The following RNF115 variants were observed in gnomAD, a reference collection of about 807,000 sequenced individuals.
RNF115 encodes ring finger protein 115.
In RNF115, 31 loss-of-function variants were observed where a neutral mutation model predicts 39.2. The ratio of observed to expected loss-of-function variants is 0.79; its 90% CI spans 0.59 to 1.07. The LOEUF is 1.07. Among genes scored for constraint, RNF115 ranks in the 50% least tolerant of loss-of-function variants. The pLI is 0.00. For synonymous variants in RNF115, 124 were observed against 131.0 expected (o/e 0.95, Z 0.37); for missense variants, 384 against 381.7 (o/e 1.01, Z -0.05).
At chr1:145,761,975 T>C (rs1359332339) in intron 4 of RNF115, among the ~76,000 whole-genome samples, 1 of 152,224 alleles carries the variant, frequency 6.6e-6, no homozygotes, top group African/African-American at 2.4e-5. Context: ...TCAAAGGAGA[T>C]GATTTTGGAG....
chr1:145,752,607 G>A (rs1278491196), intron 5 of RNF115, among the ~76,000 whole-genome samples: 1 of 15,514 alleles, frequency 6.4e-5, no homozygotes, highest in Admixed American at 5.4e-4. Flanking sequence ...TTTTTTTTTT[G>A]AGACAGGGTC....
chr1:145,793,765 A>ACATACTC (rs1648796741), intron 1 of RNF115, among the ~76,000 whole-genome samples: 1 of 151,874 alleles, frequency 6.6e-6, no homozygotes, highest in Admixed American at 6.6e-5. Flanking sequence ...TCCCACATCT[A>ACATACTC]CATACTCCTT....
At chr1:145,800,061 C>T (rs1468103278) in intron 1 of RNF115, among the ~76,000 whole-genome samples, 1 of 152,132 alleles carries the variant, frequency 6.6e-6, no homozygotes. Flanking sequence ...ATTCTCTTTA[C>T]TTTGATGTGT....
In RNF115 at chr1:145,823,944, T is replaced by G. The variant is rs1321852549; in HGVS notation, c.-71A>C. On this transcript the variant is annotated 5_prime_UTR_variant, in exon 1 of 9. Transcript: ENST00000582693. ...CTCGCCAGGCCGCTACCTCCCGAGC[T>G]GCAGTCGTCGCCGCCGCCGCCGCCT... 7 of 1,152,422 alleles carry G rather than the reference T, an allele frequency of 6.1e-6. No homozygotes were observed. The African/African-American group carries it at 9.8e-5, about 16-fold the overall frequency. 71.4% of individuals were successfully genotyped at this position (1,152,422 alleles called of 1,614,324 possible). A position where few individuals can be genotyped will look rare whatever the true frequency, so the allele number is the denominator to read the frequency against.
chr1:145,769,760 T>TA (rs11286047), intron 4 of RNF115, among the ~76,000 whole-genome samples: 44,543 of 125,518 alleles, frequency 0.35, 8,081 homozygotes, highest in Non-Finnish European at 0.37. Context: ...TAAAAATCCT[T>TA]AAAAAAAAAA....
At chr1:145,795,130 T>G (rs587675483) in intron 1 of RNF115, among the ~76,000 whole-genome samples, 1 of 151,024 alleles carries the variant, frequency 6.6e-6, no homozygotes, top group African/African-American at 2.4e-5. Flanking sequence ...ACTTCAGGAG[T>G]GAAGCCGCAG....
intron 3 of RNF115, chr1:145,772,165 G>GT (rs1571735229): frequency 5.2e-6 from 2 of 382,554 alleles, no homozygotes; most frequent in Non-Finnish European, 9.4e-6. Flanking sequence ...CCCACCAAGT[G>GT]TTTAAGAGTT....
At chr1:145,751,290 C>T in intron 6 of RNF115, 148 bp downstream of exon 6, 2 of 588,992 alleles carry the variant, frequency 3.4e-6, no homozygotes, top group Admixed American at 3.0e-5. Context: ...ATAAATCATT[C>T]ATCCCTTTAG....
At chr1:145,747,816 C>T (rs587597850) in intron 8 of RNF115, among the ~76,000 whole-genome samples, 179 bp downstream of exon 8, 3 of 152,260 alleles carry the variant, frequency 2.0e-5, no homozygotes, top group Non-Finnish European at 2.9e-5. Context: ...TGGCAGGACA[C>T]AATGACCTGT....
chr1:145,782,865 G>A (rs1271927870), intron 3 of RNF115, among the ~76,000 whole-genome samples: 4 of 152,168 alleles, frequency 2.6e-5, no homozygotes, highest in Non-Finnish European at 5.9e-5. Flanking sequence ...ACATTTTATT[G>A]TATTTTACTT....
At chr1:145,796,271 T>C (rs1648972747) in intron 1 of RNF115, among the ~76,000 whole-genome samples, 1 of 152,214 alleles carries the variant, frequency 6.6e-6, no homozygotes, top group Admixed American at 6.5e-5. Flanking sequence ...TATCAATTGC[T>C]TCCAACTAAT....
In RNF115 at chr1:145,739,567, T is replaced by A. The variant is rs797041102; in HGVS notation, c.*7299A>T. On this transcript the variant is annotated 3_prime_UTR_variant, in exon 9 of 9. Coordinates refer to ENST00000582693, the MANE Select transcript of RNF115 (RefSeq NM_014455.4). ...TCTGCAACATACCAGCTATTTGTCA[T>A]TGGGCAAATGAATTTTTTTTTTTTT... 6.7e-6 allele frequency: 1 copy of A among 149,288 alleles called. No homozygotes were observed. The highest frequency in any genetic ancestry group is 6.8e-5 in the Admixed American group (1 of 14,656). The allele number at this position is 149,288 out of a possible 1,614,324, so 9.2% of individuals were successfully genotyped here.
chr1:145,777,613 GA>G (rs781985414), intron 3 of RNF115, among the ~76,000 whole-genome samples: 75 of 146,302 alleles, frequency 5.1e-4, no homozygotes, highest in African/African-American at 1.6e-3. Context: ...AAGCATAAAA[GA>G]AAAAAAAAAT....
intron 4 of RNF115, among the ~76,000 whole-genome samples, chr1:145,763,427 G>A (rs1173797477): frequency 6.6e-6 from 1 of 152,226 alleles, no homozygotes; most frequent in Non-Finnish European, 1.5e-5. Context: ...GCTGGGCGCA[G>A]TGGCTCACGC....
intron 1 of RNF115, 124 bp from the exon 2 acceptor site, chr1:145,789,090 CA>C (rs1169798622): frequency 1.6e-6 from 1 of 622,516 alleles, no homozygotes; most frequent in Non-Finnish European, 2.8e-6. Context: ...CTCGCTGACT[CA>C]AGTAGTTTTT....
intron 4 of RNF115, among the ~76,000 whole-genome samples, chr1:145,762,099 C>A (rs1191547695): frequency 6.6e-6 from 1 of 152,202 alleles, no homozygotes; most frequent in Non-Finnish European, 1.5e-5. Context: ...ACCTGTACCT[C>A]CATTGTATCT....
intron 3 of RNF115, chr1:145,773,353 T>C (rs935473369): frequency 2.6e-5 from 4 of 152,192 alleles, no homozygotes; most frequent in African/African-American, 9.6e-5. Context: ...TACAGTGGTG[T>C]GTGCCTGTAA....
intron 3 of RNF115, 124 bp from the exon 4 acceptor site, chr1:145,772,043 G>GT (rs1164226996): frequency 4.0e-6 from 3 of 756,182 alleles, no homozygotes; most frequent in Admixed American, 2.9e-5. Flanking sequence ...TTCTGCAGAG[G>GT]TACCAGAGTT....
intron 3 of RNF115, among the ~76,000 whole-genome samples, chr1:145,780,549 G>C (rs1553717200): frequency 1.3e-5 from 2 of 149,886 alleles, no homozygotes; most frequent in African/African-American, 4.9e-5. Flanking sequence ...GAACCCAGAA[G>C]GCGGAGGTTG....
Sources: allele counts gnomAD v4.1 joint callset (sites outside exome capture counted in the v4.1 genomes callset), GRCh38; gene constraint gnomAD v4.1.1; transcripts MANE v1.5; gene names NCBI Gene and HGNC (gene_info 2026-07-23, HGNC 2026-07-21).